CXCL13: variants seen among roughly 807,000 people sequenced by gnomAD.
The protein encoded by CXCL13 is C-X-C motif chemokine ligand 13.
CXCL13 carries 7 observed loss-of-function variants against 12.2 expected under a neutral mutation model. The observed-to-expected ratio is 0.57, with a 90% CI of 0.33 to 1.07. The LOEUF (loss-of-function observed/expected upper bound fraction) is 1.07. Among genes scored for constraint, CXCL13 ranks in the 50% least tolerant of loss-of-function variants. The pLI is 0.04. For missense variants in CXCL13, 113 were observed against 127.4 expected, an observed-to-expected ratio of 0.89 and a Z score of 0.55; for synonymous variants, 47 against 42.4, an observed-to-expected ratio of 1.11 and a Z score of -0.42.
chr4:77,534,812 C>T (rs1187837115), intron 1 of CXCL13, among the ~76,000 whole-genome samples: 1 of 152,286 alleles, frequency 6.6e-6, no homozygotes, highest in South Asian at 2.1e-4. Context: ...AGCTTCAGGA[C>T]CTCCTCTTTG....
Position 77,565,693 on chromosome 4 carries a change from G to A in CXCL13, c.-42-40131G>A, listed in dbSNP as rs147256717. On this transcript the variant is annotated intron_variant, in intron 1 of 4. Coordinates refer to the CXCL13 transcript ENST00000286758. ...AAAACAGGGTGATCCTGCCCTCAAA[G>A]GACTCACCGTCTAGTAGTAAAAGGA... Among the ~76,000 whole-genome samples the A allele has an allele frequency of 1.8e-3, 281 of 152,244 alleles. 7 individuals carry two copies. Among genetic ancestry groups the A allele is most frequent in the Admixed American group, 0.017 (258 of 15,284 alleles).
At chr4:77,514,386 C>T (rs1204415815) in intron 1 of CXCL13, among the ~76,000 whole-genome samples, 16 of 145,090 alleles carry the variant, frequency 1.1e-4, no homozygotes, top group Non-Finnish European at 2.4e-4. Context: ...ACCACACTGA[C>T]TTCCACAATG....
intron 1 of CXCL13, among the ~76,000 whole-genome samples, chr4:77,575,389 T>G (rs1417623017): frequency 1.3e-5 from 2 of 151,884 alleles, no homozygotes; most frequent in African/African-American, 4.9e-5. Context: ...GTTGATTTGC[T>G]GCACCCATCA....
intron 1 of CXCL13, among the ~76,000 whole-genome samples, chr4:77,545,809 C>T (rs1036280061): frequency 9.2e-5 from 14 of 152,196 alleles, no homozygotes; most frequent in Admixed American, 9.2e-4. Context: ...TGAGAGAGGG[C>T]ATCCCTGTCT....
intron 1 of CXCL13, among the ~76,000 whole-genome samples, chr4:77,532,451 T>C (rs986383526): frequency 4.6e-5 from 7 of 152,194 alleles, no homozygotes; most frequent in African/African-American, 1.4e-4. Flanking sequence ...GTGGGTAACC[T>C]GACCTTTCTC....
At chr4:77,597,133 T>C (rs1004695983) in intron 1 of CXCL13, among the ~76,000 whole-genome samples, 22 of 152,082 alleles carry the variant, frequency 1.4e-4, no homozygotes, top group African/African-American at 5.1e-4. Flanking sequence ...AGCAGAGTAG[T>C]GGTTATCAAG....
chr4:77,547,888 G>C (rs1725412154), intron 1 of CXCL13, among the ~76,000 whole-genome samples: 1 of 152,202 alleles, frequency 6.6e-6, no homozygotes, highest in African/African-American at 2.4e-5. Flanking sequence ...TCCTTTCCAT[G>C]GTTAGTGCTT....
chr4:77,514,320 C>G (rs1462876836), intron 1 of CXCL13, among the ~76,000 whole-genome samples: 1 of 149,934 alleles, frequency 6.7e-6, no homozygotes, highest in Non-Finnish European at 1.5e-5. Flanking sequence ...GGTATATACC[C>G]AGTAATGGGA....
At chr4:77,577,360 A>G (rs1307358898) in intron 1 of CXCL13, among the ~76,000 whole-genome samples, 1 of 152,130 alleles carries the variant, frequency 6.6e-6, no homozygotes, top group Non-Finnish European at 1.5e-5. Context: ...TCCAACCCCC[A>G]CCAAGACACA....
intron 1 of CXCL13, among the ~76,000 whole-genome samples, chr4:77,512,926 C>T (rs1724309824): frequency 6.6e-6 from 1 of 152,014 alleles, no homozygotes; most frequent in Admixed American, 6.6e-5. Context: ...TATACCTCAC[C>T]ACTCCCCCAA....
chr4:77,524,955 A>G (rs1724722818), intron 1 of CXCL13, among the ~76,000 whole-genome samples: 1 of 152,224 alleles, frequency 6.6e-6, no homozygotes, highest in Non-Finnish European at 1.5e-5. Context: ...TATGGTTTGA[A>G]TGTATATGAC....
intron 1 of CXCL13, among the ~76,000 whole-genome samples, chr4:77,584,743 G>GA (rs1371832311): frequency 6.6e-6 from 1 of 152,178 alleles, no homozygotes; most frequent in African/African-American, 2.4e-5. Context: ...AAATTGCCTG[G>GA]AAAAAAGCTG....
At position 77,607,590 on chromosome 4, in the gene CXCL13, T is replaced by G. The variant is rs935473229; in HGVS notation, c.65-113T>G. 53 of 975,960 alleles carry G rather than the reference T, an allele frequency of 5.4e-5. No homozygotes were observed. The African/African-American group carries it at 7.0e-4, about 13-fold the overall frequency. 60.5% of individuals were successfully genotyped at this position (975,960 alleles called of 1,614,324 possible). A position where few individuals can be genotyped will look rare whatever the true frequency, so the allele number is the denominator to read the frequency against. On this transcript the variant is annotated intron_variant, in intron 1 of 3. Transcript: ENST00000682537. ...ACTAAAGACATATGGGTGGAAGCAC[T>G]GACTTGAAACTTTTAAGTCTTCAAA...
chr4:77,565,524 A>G (rs571250467), intron 1 of CXCL13, among the ~76,000 whole-genome samples: 1 of 152,242 alleles, frequency 6.6e-6, no homozygotes, highest in Non-Finnish European at 1.5e-5. Context: ...TCAGGAAAAT[A>G]TATATATATA....
At chr4:77,578,375 G>T (rs1213852329) in intron 1 of CXCL13, among the ~76,000 whole-genome samples, 1 of 152,178 alleles carries the variant, frequency 6.6e-6, no homozygotes, top group Non-Finnish European at 1.5e-5. Context: ...CCCCCTGTCA[G>T]CAGGAAGCAG....
chr4:77,548,901 G>T (rs1316953859), intron 1 of CXCL13, among the ~76,000 whole-genome samples: 1 of 152,166 alleles, frequency 6.6e-6, no homozygotes, highest in Non-Finnish European at 1.5e-5. Flanking sequence ...GGTTGGGGAA[G>T]GTCTCCTGGG....
At chr4:77,566,367 T>A (rs1381019854) in intron 1 of CXCL13, among the ~76,000 whole-genome samples, 1 of 152,194 alleles carries the variant, frequency 6.6e-6, no homozygotes, top group Non-Finnish European at 1.5e-5. Flanking sequence ...GCACAAAACT[T>A]TGACTTGCTA....
At chr4:77,515,279 T>C (rs1331641820) in intron 1 of CXCL13, among the ~76,000 whole-genome samples, 1 of 152,200 alleles carries the variant, frequency 6.6e-6, no homozygotes, top group South Asian at 2.1e-4. Context: ...AGGATTGACA[T>C]GGCGATGTGG....
chr4:77,539,865 A>AG (rs890884383), intron 1 of CXCL13, among the ~76,000 whole-genome samples: 3 of 151,974 alleles, frequency 2.0e-5, no homozygotes, highest in African/African-American at 2.4e-5. Flanking sequence ...TGGTGGGGGT[A>AG]GGGGGGGAAT....
Sources: allele counts gnomAD v4.1 joint callset (sites outside exome capture counted in the v4.1 genomes callset), GRCh38; gene constraint gnomAD v4.1.1; transcripts MANE v1.5; gene names NCBI Gene and HGNC (gene_info 2026-07-23, HGNC 2026-07-21).